Variants in RPP25 observed in about 807,000 individuals in gnomAD.
The protein encoded by RPP25 is ribonuclease P protein subunit p25.
A neutral mutation model predicts 4.4 loss-of-function variants in RPP25; 2 were observed. The observed-to-expected ratio is 0.45, with a 90% confidence interval of 0.19 to 1.43. RPP25 has a LOEUF of 1.43. Among genes scored for constraint, RPP25 ranks in the 40% most tolerant of loss-of-function variants. RPP25 has a pLI of 0.26. For missense variants in RPP25, 319 were observed against 293.8 expected (o/e 1.09, Z -0.63); for synonymous variants, 144 against 136.2 (o/e 1.06, Z -0.40).
At position 74,955,958 on chromosome 15, in the gene RPP25, G is replaced by T; in HGVS notation, c.*26C>A. ...GAGGCGCTGGCGGAAGATCCTGCCG[G>T]ACTAGGTGGCCCACAGTCCGGAGTT... On this transcript the variant is annotated 3_prime_UTR_variant, in exon 1 of 1. Coordinates refer to ENST00000322177, the MANE Select transcript of RPP25 (RefSeq NM_017793.3). 2 of 1,611,806 alleles carry T rather than the reference G, an allele frequency of 1.2e-6. No homozygotes were observed. The highest frequency in any genetic ancestry group is 1.7e-6 in the Non-Finnish European group (2 of 1,179,658).
In RPP25 at chr15:74,955,736, G is replaced by A. The variant is rs570621253; in HGVS notation, c.*248C>T. On this transcript the variant is annotated 3_prime_UTR_variant, in exon 1 of 1. Coordinates refer to ENST00000322177, the MANE Select transcript of RPP25 (RefSeq NM_017793.3). ...AAGGTCCCAGAAAAGGTGAAGTTCC[G>A]TGTCTTCACGCAACACGGGCATAAG... is the stretch of plus-strand genomic sequence containing the variant. 26 of 547,398 alleles carry A rather than the reference G, an allele frequency of 4.7e-5. No individual in the cohort carries two copies. In the South Asian group the frequency reaches 5.5e-4, roughly 12 times the overall value. 33.9% of individuals were successfully genotyped at this position (547,398 alleles called of 1,614,324 possible). A position where few individuals can be genotyped will look rare whatever the true frequency, so the allele number is the denominator to read the frequency against.
Position 74,956,188 on chromosome 15 carries a change from C to A in RPP25, c.396G>T (p.Val132=). 1 of 1,579,482 alleles carries A rather than the reference C, an allele frequency of 6.3e-7. No individual in the cohort carries two copies. Among genetic ancestry groups the A allele is most frequent in the Non-Finnish European group, 8.6e-7 (1 of 1,163,538 alleles). Residue 132 remains valine (V), a synonymous_variant, in exon 1 of 1, where the codon GTG becomes GTT. Transcript: ENST00000322177. ...PAASLSVLKN[V]PGLAILLSKD... ...TGGAAAGTAGGATGGCGAGGCCGGG[C>A]ACGTTCTTAAGTACGCTGAGACTAG...
chr15:74,956,663 G>C lies in RPP25; in HGVS notation c.-80C>G. On this transcript the variant is annotated 5_prime_UTR_variant, in exon 1 of 1. Coordinates refer to ENST00000322177, the MANE Select transcript of RPP25 (RefSeq NM_017793.3). The stretch of plus-strand genomic sequence containing the variant: ...GCTGCATGGCCGCCGGTCGCGCCTT[G>C]CAAGGGCCAGCAGGGGTAAGGGCGC... 1.5e-6 allele frequency: 2 copies of C among 1,369,304 alleles called. No individual in the cohort carries two copies. The highest frequency in any genetic ancestry group is 3.8e-5 in the Admixed American group (1 of 26,440). 84.8% of individuals were successfully genotyped at this position (1,369,304 alleles called of 1,614,324 possible). A position where few individuals can be genotyped will look rare whatever the true frequency, so the allele number is the denominator to read the frequency against.
chr15:74,956,278 T>C lies in RPP25; in HGVS notation c.306A>G (p.Val102=), dbSNP rs2141282018. The C allele has an allele frequency of 6.3e-7, 1 of 1,593,274 alleles. No individual in the cohort carries two copies. Among genetic ancestry groups the C allele is most frequent in the Non-Finnish European group, 8.5e-7 (1 of 1,172,426 alleles). ...HQVTRLRYRS[V]REVWQSLPPG... is the part of the protein sequence containing the mutation. The stretch of plus-strand genomic sequence containing the variant: ...GCGGGAGGCTCTGCCACACCTCGCG[T>C]ACGCTCCGGTAGCGCAGCCGCGTGA... The change falls in exon 1 of 1, where the codon GTA becomes GTG. Residue 102 remains valine (V), a synonymous_variant. Coordinates refer to ENST00000322177, the MANE Select transcript of RPP25 (RefSeq NM_017793.3).
chr15:74,955,024 C>G lies in RPP25; in HGVS notation c.*960G>C, dbSNP rs2065461606. ...TCCCAGAAAAACAATGTGCCGCTCCCTTTCCCTTAGTGGCGATGTACAGGG... is the reference window on the plus strand; with the variant it reads ...TCCCAGAAAAACAATGTGCCGCTCCGTTTCCCTTAGTGGCGATGTACAGGG... On this transcript the variant is annotated 3_prime_UTR_variant, in exon 1 of 1. Coordinates refer to ENST00000322177, the MANE Select transcript of RPP25 (RefSeq NM_017793.3). The G allele has an allele frequency of 6.6e-6, 1 of 152,502 alleles. No individual in the cohort carries two copies. Among genetic ancestry groups the G allele is most frequent in the South Asian group, 2.1e-4 (1 of 4,844 alleles). 9.4% of individuals were successfully genotyped at this position (152,502 alleles called of 1,614,324 possible).
rs773874123 is a variant in RPP25 at position 74,956,280 on chromosome 15, C to T, written c.304G>A (p.Val102Ile). ...HQVTRLRYRS[V>I]REVWQSLPPG... ...GGGAGGCTCTGCCACACCTCGCGTA[C>T]GCTCCGGTAGCGCAGCCGCGTGACC... The change falls in exon 1 of 1, where the codon GTA becomes ATA. Residue 102 changes from valine (V) to isoleucine (I), a missense_variant. Val to Ile is a conservative substitution (Grantham distance 29, BLOSUM62 3). Transcript: ENST00000322177. 7 of 1,594,078 alleles carry T rather than the reference C, an allele frequency of 4.4e-6. No homozygotes were observed. Among genetic ancestry groups the T allele is most frequent in the Middle Eastern group, 1.7e-4 (1 of 6,024 alleles).
chr15:74,956,109 C>T lies in RPP25; in HGVS notation c.475G>A (p.Gly159Ser), dbSNP rs2065469074. The change falls in exon 1 of 1, where the codon GGT (glycine) becomes AGT (serine). Residue 159 changes from glycine to serine, a missense_variant. Coordinates refer to ENST00000322177, the MANE Select transcript of RPP25 (RefSeq NM_017793.3). ...GGCGCGGCTGGCGGGGACGAGGGAC[C>T]AGGATGGGGATTCGGGGGCTGGTAG... The part of the protein sequence containing the change: ...PGYQPPNPHP[G>S]PSSPPAAPAS... 1 of 1,608,690 alleles carries T rather than the reference C, an allele frequency of 6.2e-7. No individual in the cohort carries two copies. The highest frequency in any genetic ancestry group is 8.5e-7 in the Non-Finnish European group (1 of 1,178,584).
At position 74,956,402 on chromosome 15, in the gene RPP25, G is replaced by C. The variant is rs773878892; in HGVS notation, c.182C>G (p.Ala61Gly). Reference protein sequence around the residue: ...AFATASMAQPATRAIVFSGCG... With the variant: ...AFATASMAQPGTRAIVFSGCG... ...GCCGCTGAAGACGATGGCGCGCGTG[G>C]CTGGCTGCGCCATGCTGGCGGTGGC... is the stretch of plus-strand genomic sequence containing the variant. The change falls in exon 1 of 1, where the codon GCC becomes GGC. Residue 61 changes from alanine (A) to glycine (G), a missense_variant. Ala to Gly is a moderately conservative substitution (Grantham distance 60). Transcript: ENST00000322177. The C allele has an allele frequency of 6.2e-7, 1 of 1,602,790 alleles. No homozygotes were observed. Among genetic ancestry groups the C allele is most frequent in the South Asian group, 1.1e-5 (1 of 90,222 alleles).
rs1380596853 is a variant in RPP25 at position 74,956,365 on chromosome 15, G to A, written c.219C>T (p.Ala73=). The change falls in exon 1 of 1, where the codon GCC becomes GCT. Residue 73 remains alanine, a synonymous_variant. Transcript: ENST00000322177. ...CGGCGCACGTGACGGTTTTGGTGGT[G>A]GCCCGGCCGCAGCCGCTGAAGACGA... ...RAIVFSGCGR[A]TTKTVTCAEI... The A allele has an allele frequency of 6.2e-7, 1 of 1,602,816 alleles. No individual in the cohort carries two copies. Among genetic ancestry groups the A allele is most frequent in the African/African-American group, 1.3e-5 (1 of 74,938 alleles).
In RPP25 at chr15:74,956,494, GTC is replaced by G; in HGVS notation, c.88_89del (p.Asp30ProfsTer95). 6.5e-7 allele frequency: 1 copy of G among 1,545,294 alleles called. No homozygotes were observed. Among genetic ancestry groups the G allele is most frequent in the Non-Finnish European group, 8.7e-7 (1 of 1,148,782 alleles). ...GGGPGSGPFADLAPGAVHMRV... is the reference protein window; with the variant it reads ...GGGPGSGPFAXLAPGAVHMRV... ...GCATGTGCACCGCGCCCGGCGCCAGGTCTGCGAAGGGGCCGGAGCCCGGGCCG... is the reference window on the plus strand; with the variant it reads ...GCATGTGCACCGCGCCCGGCGCCAGGTGCGAAGGGGCCGGAGCCCGGGCCG... On this transcript the variant is annotated frameshift_variant, in exon 1 of 1. Coordinates refer to ENST00000322177, the MANE Select transcript of RPP25 (RefSeq NM_017793.3). LOFTEE classifies it high-confidence loss of function.
chr15:74,955,880 T>C lies in RPP25; in HGVS notation c.*104A>G. On this transcript the variant is annotated 3_prime_UTR_variant, in exon 1 of 1. Coordinates refer to ENST00000322177, the MANE Select transcript of RPP25 (RefSeq NM_017793.3). Reference sequence around the variant, plus strand: ...CCTGTCTTGAGGAGCTGTGTCCAGGTTGTGGGCTCCGGAGGACCGAGGAGT... The same window carrying C: ...CCTGTCTTGAGGAGCTGTGTCCAGGCTGTGGGCTCCGGAGGACCGAGGAGT... 6.8e-7 allele frequency: 1 copy of C among 1,470,158 alleles called. No individual in the cohort carries two copies. Among genetic ancestry groups the C allele is most frequent in the East Asian group, 2.4e-5 (1 of 41,512 alleles). 91.1% of individuals were successfully genotyped at this position (1,470,158 alleles called of 1,614,324 possible).
At position 74,955,963 on chromosome 15, in the gene RPP25, G is replaced by GGTGGCCCACAGTC. The variant is rs1566991382; in HGVS notation, c.*8_*20dup. 1.2e-6 allele frequency: 2 copies of GGTGGCCCACAGTC among 1,612,200 alleles called. No individual in the cohort carries two copies. The highest frequency in any genetic ancestry group is 8.5e-7 in the Non-Finnish European group (1 of 1,179,746). ...GCTGGCGGAAGATCCTGCCGGACTA[G>GGTGGCCCACAGTC]GTGGCCCACAGTCCGGAGTTTCAGG... is the stretch of plus-strand genomic sequence containing the variant. On this transcript the variant is annotated 3_prime_UTR_variant, in exon 1 of 1. Transcript: ENST00000322177.
chr15:74,956,558 G>A lies in RPP25; in HGVS notation c.26C>T (p.Ser9Phe), dbSNP rs2065472170. MENFRKVRSEEAPAGCGAE... is the reference protein window; with the variant it reads MENFRKVRFEEAPAGCGAE... ...CCCGCACCCCGCTGGCGCCTCTTCG[G>A]AGCGCACCTTACGGAAGTTCTCCAT... The change falls in exon 1 of 1, where the codon TCC becomes TTC. Residue 9 changes from serine (S) to phenylalanine (F), a missense_variant. Ser to Phe is a radical substitution (Grantham distance 155). Transcript: ENST00000322177. 2 of 1,504,974 alleles carry A rather than the reference G, an allele frequency of 1.3e-6. No homozygotes were observed. The highest frequency in any genetic ancestry group is 1.8e-6 in the Non-Finnish European group (2 of 1,135,528). 93.2% of individuals were successfully genotyped at this position (1,504,974 alleles called of 1,614,324 possible). A position where few individuals can be genotyped will look rare whatever the true frequency, so the allele number is the denominator to read the frequency against.
Position 74,956,122 on chromosome 15 carries a change from C to T in RPP25, c.462G>A (p.Pro154=), listed in dbSNP as rs780268207. Residue 154 remains proline, a synonymous_variant, in exon 1 of 1, where the codon CCG becomes CCA. Coordinates refer to ENST00000322177, the MANE Select transcript of RPP25 (RefSeq NM_017793.3). ...LDPRQPGYQP[P]NPHPGPSSPP... Reference sequence around the variant, plus strand: ...GGGACGAGGGACCAGGATGGGGATTCGGGGGCTGGTAGCCGGGCTGTCGCG... The same window carrying T: ...GGGACGAGGGACCAGGATGGGGATTTGGGGGCTGGTAGCCGGGCTGTCGCG... The T allele has an allele frequency of 1.2e-6, 2 of 1,606,404 alleles. No homozygotes were observed. The highest frequency in any genetic ancestry group is 1.7e-6 in the Non-Finnish European group (2 of 1,177,548).
In RPP25 at chr15:74,955,727, TG is replaced by T; in HGVS notation, c.*256del. 1.9e-6 allele frequency: 1 copy of T among 532,006 alleles called. No homozygotes were observed. The highest frequency in any genetic ancestry group is 3.4e-5 in the East Asian group (1 of 29,740). 33.0% of individuals were successfully genotyped at this position (532,006 alleles called of 1,614,324 possible). On this transcript the variant is annotated 3_prime_UTR_variant, in exon 1 of 1. Coordinates refer to ENST00000322177, the MANE Select transcript of RPP25 (RefSeq NM_017793.3). Reference sequence around the variant, plus strand: ...CCCCCAAAGAAGGTCCCAGAAAAGGTGAAGTTCCGTGTCTTCACGCAACACG... The same window carrying T: ...CCCCCAAAGAAGGTCCCAGAAAAGGTAAGTTCCGTGTCTTCACGCAACACG...
rs1234340803 is a variant in RPP25 at position 74,956,104 on chromosome 15, G to A, written c.480C>T (p.Pro160=). The change falls in exon 1 of 1, where the codon CCC becomes CCT. Residue 160 remains proline, a synonymous_variant. Coordinates refer to ENST00000322177, the MANE Select transcript of RPP25 (RefSeq NM_017793.3). Reference sequence around the variant, plus strand: ...ACGCTGGCGCGGCTGGCGGGGACGAGGGACCAGGATGGGGATTCGGGGGCT... The same window carrying A: ...ACGCTGGCGCGGCTGGCGGGGACGAAGGACCAGGATGGGGATTCGGGGGCT... ...GYQPPNPHPG[P]SSPPAAPASK... is the part of the protein sequence containing the mutation. 2 of 1,609,066 alleles carry A rather than the reference G, an allele frequency of 1.2e-6. No homozygotes were observed. The highest frequency in any genetic ancestry group is 1.1e-5 in the South Asian group (1 of 90,406).
rs1379415411 is a variant in RPP25 at position 74,956,717 on chromosome 15, C to T, written c.-134G>A. 13 of 1,074,234 alleles carry T rather than the reference C, an allele frequency of 1.2e-5. No individual in the cohort carries two copies. The highest frequency in any genetic ancestry group is 1.5e-5 in the Non-Finnish European group (12 of 823,924). The allele number at this position is 1,074,234 out of a possible 1,614,324, so 66.5% of individuals were successfully genotyped here. On this transcript the variant is annotated 5_prime_UTR_variant, in exon 1 of 1. Coordinates refer to ENST00000322177, the MANE Select transcript of RPP25 (RefSeq NM_017793.3). ...AGCAGCGCAGACGCCGGCGGGCGGG[C>T]TGGGACGGCGCGATCTCGGCCCCAC... is the stretch of plus-strand genomic sequence containing the variant.
At position 74,956,184 on chromosome 15, in the gene RPP25, C is replaced by A. The variant is rs1010732625; in HGVS notation, c.400G>T (p.Gly134Cys). The A allele has an allele frequency of 2.5e-6, 4 of 1,580,538 alleles. No individual in the cohort carries two copies. The highest frequency in any genetic ancestry group is 2.6e-6 in the Non-Finnish European group (3 of 1,164,136). Reference sequence around the variant, plus strand: ...TCCTTGGAAAGTAGGATGGCGAGGCCGGGCACGTTCTTAAGTACGCTGAGA... The same window carrying A: ...TCCTTGGAAAGTAGGATGGCGAGGCAGGGCACGTTCTTAAGTACGCTGAGA... ...ASLSVLKNVP[G>C]LAILLSKDAL... The change falls in exon 1 of 1, where the codon GGC becomes TGC. Residue 134 changes from glycine (G) to cysteine (C), a missense_variant. Transcript: ENST00000322177.
Position 74,956,155 on chromosome 15 carries a change from C to A in RPP25, c.429G>T (p.Ala143=), listed in dbSNP as rs1240427339. ...GGTAGCCGGGCTGTCGCGGATCCAG[C>A]GCGTCCTTGGAAAGTAGGATGGCGA... ...PGLAILLSKD[A]LDPRQPGYQP... Residue 143 remains alanine (A), a synonymous_variant, in exon 1 of 1, where the codon GCG becomes GCT. Transcript: ENST00000322177. The A allele has an allele frequency of 8.1e-6, 13 of 1,598,776 alleles. No individual in the cohort carries two copies. Among genetic ancestry groups the A allele is most frequent in the Non-Finnish European group, 1.0e-5 (12 of 1,173,760 alleles).
Sources: gnomAD v4.1 joint callset for allele counts on GRCh38, gnomAD v4.1.1 for gene constraint, MANE v1.5 for transcripts, NCBI Gene and HGNC (gene_info 2026-07-23, HGNC 2026-07-21) for gene names.